Variants in ABHD3 observed in about 807,000 individuals in gnomAD.
ABHD3 encodes the protein abhydrolase domain containing 3, phospholipase.
Under a neutral mutation model 48.8 loss-of-function variants are expected in ABHD3, and 46 were observed. The observed-to-expected ratio is 0.94, with a 90% CI of 0.74 to 1.20. ABHD3 has a LOEUF of 1.20. ABHD3 is among the 50% of genes most tolerant of loss of function. ABHD3 has a pLI of 0.00. For synonymous variants in ABHD3, 192 were observed against 183.7 expected, an observed-to-expected ratio of 1.04 and a Z score of -0.36; for missense variants, 490 against 497.8, an observed-to-expected ratio of 0.98 and a Z score of 0.15.
intron 1 of ABHD3, 170 bp from the exon 2 acceptor site, chr18:21,703,917 C>T (rs776444423): frequency 1.6e-6 from 1 of 639,660 alleles, no homozygotes; most frequent in Non-Finnish European, 2.7e-6. Context: ...ACGGGGGTTT[C>T]GCCAATGCCC....
intron 4 of ABHD3, among the ~76,000 whole-genome samples, chr18:21,665,063 C>T (rs1259019309): frequency 6.6e-6 from 1 of 151,974 alleles, no homozygotes; most frequent in African/African-American, 2.4e-5. Context: ...TCCTGCCTCA[C>T]TCCCCTGAGT....
chr18:21,680,827 T>G (rs1356919554), intron 4 of ABHD3, among the ~76,000 whole-genome samples: 1 of 151,638 alleles, frequency 6.6e-6, no homozygotes, highest in Non-Finnish European at 1.5e-5. Flanking sequence ...CCTTCCTATT[T>G]GTTGTTTCTT....
At chr18:21,666,720 T>C (rs2039639854) in intron 4 of ABHD3, among the ~76,000 whole-genome samples, 1 of 152,210 alleles carries the variant, frequency 6.6e-6, no homozygotes. Flanking sequence ...ATATGTAAAG[T>C]TGACCATGCT....
At chr18:21,698,080 A>T (rs2040423947) in intron 3 of ABHD3, among the ~76,000 whole-genome samples, 1 of 152,178 alleles carries the variant, frequency 6.6e-6, no homozygotes, top group African/African-American at 2.4e-5. Flanking sequence ...TGAAACTCTC[A>T]TCTATAGCAG....
intron 3 of ABHD3, among the ~76,000 whole-genome samples, chr18:21,687,164 C>T (rs538565626): frequency 2.0e-5 from 3 of 152,012 alleles, no homozygotes; most frequent in Non-Finnish European, 4.4e-5. Flanking sequence ...CTCGTCTTGG[C>T]CTCCTGAAGT....
intron 4 of ABHD3, chr18:21,682,352 G>C (rs6508544): frequency 0.51 from 77,643 of 151,978 alleles, 23,260 homozygotes; most frequent in African/African-American, 0.84. Context: ...CTCTCTCCCC[G>C]CTTTGGAGGT....
chr18:21,692,993 C>T lies in ABHD3; in HGVS notation c.510-9028G>A, dbSNP rs187090314. Among the ~76,000 whole-genome samples the T allele has an allele frequency of 6.7e-4, 102 of 152,330 alleles. No homozygotes were observed. The Middle Eastern group carries it at 0.01, about 15-fold the overall frequency. Reference sequence around the variant, plus strand: ...GATTACAGGACAATGTCGATTCCAGCGGCCACTCTACCTTAGCAAGACATT... The same window carrying T: ...GATTACAGGACAATGTCGATTCCAGTGGCCACTCTACCTTAGCAAGACATT... On this transcript the variant is annotated intron_variant, in intron 3 of 8. Coordinates refer to ENST00000289119, the MANE Select transcript of ABHD3 (RefSeq NM_138340.5).
At chr18:21,673,324 G>A (rs994977475) in intron 4 of ABHD3, among the ~76,000 whole-genome samples, 2 of 152,134 alleles carry the variant, frequency 1.3e-5, no homozygotes, top group African/African-American at 2.4e-5. Context: ...ATGGAGTTTC[G>A]CTCTTGTTGC....
chr18:21,673,611 GTTTT>G (rs2039807025), intron 4 of ABHD3: 1 of 144,830 alleles, frequency 6.9e-6, no homozygotes. Flanking sequence ...GTTTTGTTTT[GTTTT>G]TTGTTTTTTT....
chr18:21,651,663 C>T lies in ABHD3; in HGVS notation c.1158G>A (p.Gln386=). The T allele has an allele frequency of 6.2e-7, 1 of 1,613,776 alleles. No individual in the cohort carries two copies. The highest frequency in any genetic ancestry group is 1.6e-4 in the Middle Eastern group (1 of 6,062). ...IGFLEGIWPR[Q]STYMDRVFKQ... ...TGAAGACACGATCCATGTAAGTGGA[C>T]TGTCTTGGCCAGATTCCCTCCAGAA... The change falls in exon 9 of 9, where the codon CAG becomes CAA. Residue 386 remains glutamine, a synonymous_variant. Coordinates refer to ENST00000289119, the MANE Select transcript of ABHD3 (RefSeq NM_138340.5).
chr18:21,679,339 C>G (rs2039956309), intron 4 of ABHD3, among the ~76,000 whole-genome samples: 1 of 151,866 alleles, frequency 6.6e-6, no homozygotes, highest in African/African-American at 2.4e-5. Context: ...TTTGATCCAA[C>G]TCAAAAAAGA....
At chr18:21,653,894 T>G (rs188651430) in intron 8 of ABHD3, among the ~76,000 whole-genome samples, 19 of 148,778 alleles carry the variant, frequency 1.3e-4, no homozygotes, top group African/African-American at 4.7e-4. Context: ...CAGGCTGGAG[T>G]GCAATGGTGT....
chr18:21,691,183 CAAG>C (rs1026325539), intron 3 of ABHD3, among the ~76,000 whole-genome samples: 112 of 151,950 alleles, frequency 7.4e-4, no homozygotes, highest in African/African-American at 2.4e-3. Flanking sequence ...GACAAGAGGT[CAAG>C]AAGAACATTT....
intron 5 of ABHD3, among the ~76,000 whole-genome samples, chr18:21,659,996 CT>C (rs2039451853): frequency 8.7e-6 from 1 of 115,158 alleles, no homozygotes; most frequent in African/African-American, 3.5e-5. Context: ...GAGATAGGCT[CT>C]GTAGCCCAGG....
Position 21,704,740 on chromosome 18 carries a change from C to G in ABHD3, c.-75G>C. The G allele has an allele frequency of 1.6e-6, 2 of 1,285,678 alleles. No individual in the cohort carries two copies. The highest frequency in any genetic ancestry group is 2.0e-6 in the Non-Finnish European group (2 of 1,001,194). 79.6% of individuals were successfully genotyped at this position (1,285,678 alleles called of 1,614,324 possible). Reference sequence around the variant, plus strand: ...GCGAGCGGGCGAGAGCGGGCGAGAGCGGACGCGGCGCCGCTGCCTACTCCC... The same window carrying G: ...GCGAGCGGGCGAGAGCGGGCGAGAGGGGACGCGGCGCCGCTGCCTACTCCC... On this transcript the variant is annotated 5_prime_UTR_variant, in exon 1 of 9. Transcript: ENST00000289119.
chr18:21,663,770 T>TCAGCTTCAGAACG, intron 5 of ABHD3: 1 of 1,535,420 alleles, frequency 6.5e-7, no homozygotes, highest in East Asian at 2.4e-5. Context: ...TGCTACAAGT[T>TCAGCTTCAGAACG]CAGCTTCAGA....
At position 21,704,577 on chromosome 18, in the gene ABHD3, G is replaced by T; in HGVS notation, c.89C>A (p.Ser30Ter). The T allele has an allele frequency of 6.5e-7, 1 of 1,546,302 alleles. No homozygotes were observed. The highest frequency in any genetic ancestry group is 2.7e-5 in the East Asian group (1 of 37,676). ...CAGGATAAGGGATAAGCCCACCCCC[G>T]AGCCGAAGAACCCCACCCGGACTTG... ...EHQVRVGFFG[S>*]GVGLSLILGF... The change falls in exon 1 of 9, where the codon TCG (serine) becomes TAG (stop). Residue 30 changes from serine (S) to a stop codon, truncating the protein, a stop_gained. Coordinates refer to ENST00000289119, the MANE Select transcript of ABHD3 (RefSeq NM_138340.5). LOFTEE classifies it high-confidence loss of function.
intron 3 of ABHD3, among the ~76,000 whole-genome samples, chr18:21,688,156 A>G (rs1400528716): frequency 6.6e-6 from 1 of 152,124 alleles, no homozygotes; most frequent in Non-Finnish European, 1.5e-5. Context: ...ACAACAAAAA[A>G]AGTAGCAGAC....
rs1156410747 is a variant in ABHD3, at chr18:21,651,089, A to G, written c.*502T>C. 6.6e-6 allele frequency: 1 copy of G among 152,242 alleles called. No homozygotes were observed. The highest frequency in any genetic ancestry group is 2.4e-5 in the African/African-American group (1 of 41,458). 9.4% of individuals were successfully genotyped at this position (152,242 alleles called of 1,614,324 possible). On this transcript the variant is annotated 3_prime_UTR_variant, in exon 9 of 9. Transcript: ENST00000289119. ...CACTTGTCTTTTAAAGTTAGAATAC[A>G]TAAAAGATTTAGCACGTTGTATTTT...
Sources: allele counts gnomAD v4.1 joint callset (sites outside exome capture counted in the v4.1 genomes callset), GRCh38; gene constraint gnomAD v4.1.1; transcripts MANE v1.5; gene names NCBI Gene and HGNC (gene_info 2026-07-23, HGNC 2026-07-21).